ENTPD1: variants seen among roughly 807,000 people sequenced by gnomAD.
ENTPD1 encodes ATP diphosphohydrolase.
ENTPD1 carries 33 observed loss-of-function variants against 57.0 expected under a neutral mutation model. The observed-to-expected ratio is 0.58, with a 90% CI of 0.44 to 0.77. ENTPD1 has a LOEUF of 0.77. Ranked by LOEUF, ENTPD1 falls within the 30% of genes least tolerant of loss-of-function variation. The probability of loss-of-function intolerance (pLI) is 0.00; values close to 1 mark genes in which losing one functional copy is unlikely to be tolerated. For missense variants in ENTPD1, 501 were observed against 603.4 expected (o/e 0.83, Z 1.78); for synonymous variants, 202 against 218.8 (o/e 0.92, Z 0.68).
At chr10:95,700,421 C>G in the ENTPD1 span, among the ~76,000 whole-genome samples, 39 of 152,244 alleles carry the variant, frequency 2.6e-4, no homozygotes, top group African/African-American at 9.1e-4. Context: ...GTAGTCTCAG[C>G]ACTTTGAGAG....
chr10:95,808,161 G>A lies in ENTPD1; in HGVS notation c.17-15076G>A, dbSNP rs531353808. Among the ~76,000 whole-genome samples, 11 of 152,294 alleles carry A rather than the reference G, an allele frequency of 7.2e-5. No homozygotes were observed. In the East Asian group the frequency reaches 2.1e-3, roughly 29 times the overall value. ...GAATTTTATAGAAATCCTTTTCTGT[G>A]TCTATTGAGATAACCATGTGGTTTT... On this transcript the variant is annotated intron_variant, in intron 1 of 9. Coordinates refer to ENST00000371205, the MANE Select transcript of ENTPD1 (RefSeq NM_001776.6).
Position 95,741,887 on chromosome 10 carries a change from C to G in ENTPD1, c.37+29894C>G, listed in dbSNP as rs189408322. ...TGTTTTCCTATTTCTTCAGACTTTG[C>G]TGCCCCCAGAGGATGAAGGGCCTAA... On this transcript the variant is annotated intron_variant, in intron 1 of 9. Coordinates refer to the ENTPD1 transcript ENST00000453258. Among the ~76,000 whole-genome samples, 326 of 152,296 alleles carry G rather than the reference C, an allele frequency of 2.1e-3. 1 individual carries two copies. Among genetic ancestry groups the G allele is most frequent in the Non-Finnish European group, 1.9e-4 (13 of 68,024 alleles).
chr10:95,842,150 T>TA (rs1475051536), intron 3 of ENTPD1, among the ~76,000 whole-genome samples, 194 bp from the exon 4 acceptor site: 1 of 152,092 alleles, frequency 6.6e-6, no homozygotes, highest in Admixed American at 6.5e-5. Flanking sequence ...AGACCCAACT[T>TA]AAAGTCTGGA....
At chr10:95,702,575 G>A in the ENTPD1 span, among the ~76,000 whole-genome samples, 846 of 152,126 alleles carry the variant, frequency 5.6e-3, 12 homozygotes, top group African/African-American at 0.02. Context: ...GGTAGACACA[G>A]CAATATATTA....
chr10:95,788,255 A>G (rs1306863725), intron 1 of ENTPD1, among the ~76,000 whole-genome samples: 1 of 152,216 alleles, frequency 6.6e-6, no homozygotes, highest in Non-Finnish European at 1.5e-5. Flanking sequence ...ATAAAATTTT[A>G]AAACAAAACC....
In ENTPD1 at chr10:95,850,173, C is replaced by T. The variant is rs1240147584; in HGVS notation, c.1074+2467C>T. ...TTTTCTATTTGATCCCTTAGTTCCT[C>T]ATTGAGATTGTTCTCCCAGCCTTCT... On this transcript the variant is annotated intron_variant, in intron 7 of 9. Coordinates refer to ENST00000371205, the MANE Select transcript of ENTPD1 (RefSeq NM_001776.6). 2.6e-5 allele frequency among the ~76,000 whole-genome samples: 4 copies of T among 152,288 alleles called. No homozygotes were observed. The East Asian group carries it at 7.7e-4, about 29-fold the overall frequency.
intron 6 of ENTPD1, chr10:95,846,006 G>GAA: frequency 4.6e-5 from 6 of 129,244 alleles, no homozygotes; most frequent in Admixed American, 1.8e-4. Context: ...GAGAGGAGAA[G>GAA]GAAAAAAAAA....
chr10:95,717,183 A>G (rs2139817665), intron 1 of ENTPD1, among the ~76,000 whole-genome samples: 1 of 152,306 alleles, frequency 6.6e-6, no homozygotes. Context: ...TTTCCATGGG[A>G]CAGTGTCAGG....
chr10:95,728,536 T>G (rs1783294508), intron 1 of ENTPD1, among the ~76,000 whole-genome samples: 1 of 152,180 alleles, frequency 6.6e-6, no homozygotes, highest in South Asian at 2.1e-4. Flanking sequence ...TTGGGAGCAC[T>G]TCCAGCATCA....
At chr10:95,737,214 A>G (rs1474879160) in intron 1 of ENTPD1, among the ~76,000 whole-genome samples, 1 of 148,554 alleles carries the variant, frequency 6.7e-6, no homozygotes, top group Non-Finnish European at 1.5e-5. Context: ...GCCCTTGTGG[A>G]GCTCGTCTAG....
At chr10:95,837,201 CAAT>C (rs1452013199) in intron 2 of ENTPD1, among the ~76,000 whole-genome samples, 1 of 152,160 alleles carries the variant, frequency 6.6e-6, no homozygotes, top group African/African-American at 2.4e-5. Flanking sequence ...TTCGTATCAA[CAAT>C]GTTAGAATAA....
intron 7 of ENTPD1, among the ~76,000 whole-genome samples, chr10:95,860,017 T>C (rs1025151493): frequency 6.6e-6 from 1 of 152,188 alleles, no homozygotes; most frequent in Non-Finnish European, 1.5e-5. Flanking sequence ...AGGAAAGCAG[T>C]ACATATTCAT....
chr10:95,695,692 T>C, the ENTPD1 span, among the ~76,000 whole-genome samples: 1 of 152,204 alleles, frequency 6.6e-6, no homozygotes, highest in Non-Finnish European at 1.5e-5. Flanking sequence ...TTCATATTAT[T>C]CAGATTATAT....
At chr10:95,786,287 T>G (rs1419507694) in intron 1 of ENTPD1, among the ~76,000 whole-genome samples, 2 of 152,172 alleles carry the variant, frequency 1.3e-5, no homozygotes, top group Non-Finnish European at 2.9e-5. Context: ...CCTTTGACTT[T>G]AAGGCCACCA....
intron 1 of ENTPD1, among the ~76,000 whole-genome samples, chr10:95,783,946 C>G (rs1375367868): frequency 6.6e-6 from 1 of 151,946 alleles, no homozygotes; most frequent in Middle Eastern, 3.2e-3. Flanking sequence ...AGCAGGTGGC[C>G]TGGGAAGAGG....
At chr10:95,727,727 A>C (rs2097985154) in intron 1 of ENTPD1, among the ~76,000 whole-genome samples, 1 of 152,244 alleles carries the variant, frequency 6.6e-6, no homozygotes, top group African/African-American at 2.4e-5. Flanking sequence ...ATGTTTAAAA[A>C]AATTTAAGAT....
At chr10:95,820,380 A>G (rs1385829062) in intron 1 of ENTPD1, among the ~76,000 whole-genome samples, 3 of 152,230 alleles carry the variant, frequency 2.0e-5, no homozygotes, top group Admixed American at 6.5e-5. Context: ...TAAGAGTAGG[A>G]TGAAAGGCTT....
intron 1 of ENTPD1, among the ~76,000 whole-genome samples, chr10:95,717,279 T>C (rs2097972608): frequency 6.6e-6 from 1 of 151,892 alleles, no homozygotes; most frequent in Non-Finnish European, 1.5e-5. Flanking sequence ...TACCTAGATG[T>C]GGTTCTCTTT....
Position 95,844,536 on chromosome 10 carries a change from C to G in ENTPD1, c.474C>G (p.Asn158Lys). 3 of 1,614,246 alleles carry G rather than the reference C, an allele frequency of 1.9e-6. No individual in the cohort carries two copies. The highest frequency in any genetic ancestry group is 2.5e-6 in the Non-Finnish European group (3 of 1,180,034). The change falls in exon 5 of 10, where the codon AAC (asparagine) becomes AAG (lysine). Residue 158 changes from asparagine to lysine, a missense_variant. Physicochemically the swap from Asn to Lys is moderately conservative, Grantham distance 94. Transcript: ENST00000371205. ...ATGTGGTGGAGAGGAGCCTCAGCAA[C>G]TACCCCTTTGACTTCCAGGGTGCCA... is the stretch of plus-strand genomic sequence containing the variant. ...VLDVVERSLSNYPFDFQGARI... is the reference protein window; with the variant it reads ...VLDVVERSLSKYPFDFQGARI...
Sources: gnomAD v4.1 joint callset for allele counts (sites outside exome capture counted in the v4.1 genomes callset) on GRCh38, gnomAD v4.1.1 for gene constraint, MANE v1.5 for transcripts, NCBI Gene and HGNC (gene_info 2026-07-23, HGNC 2026-07-21) for gene names.